The following ZMYM4 variants were observed in gnomAD, a reference collection of about 807,000 sequenced individuals.
ZMYM4 encodes the protein zinc finger MYM-type protein 4.
ZMYM4 carries 31 observed loss-of-function variants against 183.2 expected under a neutral mutation model. The ratio of observed to expected loss-of-function variants is 0.17; its 90% confidence interval spans 0.13 to 0.23. The LOEUF (loss-of-function observed/expected upper bound fraction) is 0.23. Ranked by LOEUF, ZMYM4 falls within the 10% of genes least tolerant of loss-of-function variation. The pLI, the probability that ZMYM4 is intolerant of heterozygous loss-of-function variation, is 1.00. For missense variants in ZMYM4, 1,273 were observed against 1,840.3 expected (o/e 0.69, Z 5.64); for synonymous variants, 592 against 631.2 (o/e 0.94, Z 0.93).
chr1:35,295,434 G>A (rs1427136975), intron 1 of ZMYM4, among the ~76,000 whole-genome samples: 1 of 152,218 alleles, frequency 6.6e-6, no homozygotes, highest in African/African-American at 2.4e-5. Flanking sequence ...GTGAATAACA[G>A]TAGATGAGAT....
At chr1:35,295,741 G>A (rs1341412254) in intron 1 of ZMYM4, among the ~76,000 whole-genome samples, 1 of 152,190 alleles carries the variant, frequency 6.6e-6, no homozygotes. Flanking sequence ...ATGGTGCAGA[G>A]TCCTTCCTCA....
At chr1:35,296,176 A>G (rs539673121) in intron 1 of ZMYM4, among the ~76,000 whole-genome samples, 28 of 152,122 alleles carry the variant, frequency 1.8e-4, no homozygotes, top group Non-Finnish European at 3.7e-4. Context: ...TTACTAACAG[A>G]ATGACCCCTG....
intron 2 of ZMYM4, among the ~76,000 whole-genome samples, chr1:35,336,536 G>T (rs1642983776): frequency 6.6e-6 from 1 of 151,894 alleles, no homozygotes; most frequent in Non-Finnish European, 1.5e-5. Context: ...ACAGGCGTGT[G>T]CCACCATCCC....
chr1:35,384,273 A>G (rs1425276998), intron 9 of ZMYM4, among the ~76,000 whole-genome samples: 1 of 152,218 alleles, frequency 6.6e-6, no homozygotes, highest in East Asian at 1.9e-4. Flanking sequence ...TTGCTTTTAC[A>G]GTCCTCATTA....
intron 4 of ZMYM4, 137 bp from the exon 5 acceptor site, chr1:35,361,482 G>T: frequency 9.5e-7 from 1 of 1,048,370 alleles, no homozygotes; most frequent in Non-Finnish European, 1.4e-6. Context: ...TTACTTTTAG[G>T]CGTAGGCATA....
At chr1:35,378,102 G>A (rs1644373594) in intron 7 of ZMYM4, among the ~76,000 whole-genome samples, 1 of 152,186 alleles carries the variant, frequency 6.6e-6, no homozygotes, top group South Asian at 2.1e-4. Flanking sequence ...CTCCTTATCT[G>A]TTCAAGTTTT....
At chr1:35,335,071 A>G (rs997883886) in intron 2 of ZMYM4, among the ~76,000 whole-genome samples, 2 of 152,168 alleles carry the variant, frequency 1.3e-5, no homozygotes, top group South Asian at 4.1e-4. Context: ...CCAGTCTCAT[A>G]CAAGTAGCCA....
chr1:35,306,161 CTATTT>C (rs1265132434), intron 1 of ZMYM4, among the ~76,000 whole-genome samples: 1 of 151,932 alleles, frequency 6.6e-6, no homozygotes, highest in Non-Finnish European at 1.5e-5. Flanking sequence ...TTTCACTGTT[CTATTT>C]TGAGTATTTA....
chr1:35,399,717 C>G (rs79714763), intron 23 of ZMYM4, 141 bp downstream of exon 23: 1 of 785,906 alleles, frequency 1.3e-6, no homozygotes, highest in Non-Finnish European at 2.0e-6. Context: ...TTTTTGAATT[C>G]AAGAACCATA....
chr1:35,356,736 TAATA>T (rs1643831735), intron 2 of ZMYM4, among the ~76,000 whole-genome samples: 1 of 152,236 alleles, frequency 6.6e-6, no homozygotes, highest in South Asian at 2.1e-4. Context: ...AGTGGTTTCC[TAATA>T]AATATGTACT....
At chr1:35,412,041 G>A (rs914437585) in intron 26 of ZMYM4, among the ~76,000 whole-genome samples, 1 of 151,538 alleles carries the variant, frequency 6.6e-6, no homozygotes, top group Non-Finnish European at 1.5e-5. Flanking sequence ...CCGCCACCGC[G>A]CCCAGCTAAT....
chr1:35,399,116 T>C (rs1373937499), intron 22 of ZMYM4, 73 bp downstream of exon 22: 1 of 1,422,866 alleles, frequency 7.0e-7, no homozygotes, highest in Admixed American at 2.0e-5. Context: ...ATTGACACTA[T>C]TAAGCAGTGC....
At position 35,268,822 on chromosome 1, in the gene ZMYM4, C is replaced by G; in HGVS notation, c.-225C>G. The G allele has an allele frequency of 2.6e-6, 1 of 384,996 alleles. No individual in the cohort carries two copies. Among genetic ancestry groups the G allele is most frequent in the Non-Finnish European group, 4.5e-6 (1 of 223,074 alleles). 23.8% of individuals were successfully genotyped at this position (384,996 alleles called of 1,614,324 possible). On this transcript the variant is annotated 5_prime_UTR_variant, in exon 1 of 30. Transcript: ENST00000314607. Reference sequence around the variant, plus strand: ...ACCCCCCGAGTCCCGGCCCCCACCCCGTCCCCGGGCAGGCCCTCCCGCCCA... The same window carrying G: ...ACCCCCCGAGTCCCGGCCCCCACCCGGTCCCCGGGCAGGCCCTCCCGCCCA...
At chr1:35,300,779 C>T (rs1415295810) in intron 1 of ZMYM4, among the ~76,000 whole-genome samples, 1 of 152,142 alleles carries the variant, frequency 6.6e-6, no homozygotes, top group Non-Finnish European at 1.5e-5. Context: ...TTAGTATATT[C>T]ATGCTTTCAC....
chr1:35,284,977 A>T (rs984530168), intron 1 of ZMYM4, among the ~76,000 whole-genome samples: 1 of 152,192 alleles, frequency 6.6e-6, no homozygotes, highest in Non-Finnish European at 1.5e-5. Context: ...AAACATTCAG[A>T]CCATAACAAC....
At chr1:35,359,483 TA>T (rs1197046911) in intron 3 of ZMYM4, 37 bp downstream of exon 3, 1 of 1,495,732 alleles carries the variant, frequency 6.7e-7, no homozygotes, top group African/African-American at 1.4e-5. Flanking sequence ...AAAACACAAT[TA>T]AAAATTACCG....
At chr1:35,312,114 T>G (rs1415646890) in intron 1 of ZMYM4, among the ~76,000 whole-genome samples, 1 of 152,322 alleles carries the variant, frequency 6.6e-6, no homozygotes, top group East Asian at 1.9e-4. Context: ...AAGTAATGTG[T>G]TGTTTGTTTC....
intron 2 of ZMYM4, among the ~76,000 whole-genome samples, chr1:35,331,229 A>G (rs1642733190): frequency 6.6e-6 from 1 of 152,204 alleles, no homozygotes; most frequent in African/African-American, 2.4e-5. Context: ...ATCAAAGCCT[A>G]AAAGTCTTCT....
chr1:35,398,318 T>G, intron 20 of ZMYM4, 95 bp from the exon 21 acceptor site: 1 of 1,035,068 alleles, frequency 9.7e-7, no homozygotes, highest in Non-Finnish European at 1.4e-6. Flanking sequence ...CTTAGAACTT[T>G]GTAGTATGAT....
Sources: allele counts gnomAD v4.1 joint callset (sites outside exome capture counted in the v4.1 genomes callset), GRCh38; gene constraint gnomAD v4.1.1; transcripts MANE v1.5; gene names NCBI Gene and HGNC (gene_info 2026-07-23, HGNC 2026-07-21).